The following HAT1 variants were observed in gnomAD, a reference collection of about 807,000 sequenced individuals.
HAT1 encodes the protein histone acetyltransferase type B catalytic subunit.
Under a neutral mutation model 56.6 loss-of-function variants are expected in HAT1, and 20 were observed. The ratio of observed to expected loss-of-function variants is 0.35; its 90% confidence interval spans 0.25 to 0.51. The LOEUF (loss-of-function observed/expected upper bound fraction) is 0.51. Among genes scored for constraint, HAT1 ranks in the 20% least tolerant of loss-of-function variants. The pLI is 0.95. For synonymous variants in HAT1, 146 were observed against 165.5 expected (o/e 0.88, Z 0.91); for missense variants, 408 against 504.3 (o/e 0.81, Z 1.83).
intron 8 of HAT1, among the ~76,000 whole-genome samples, chr2:171,972,771 T>C (rs1687852324): frequency 1.3e-5 from 2 of 152,240 alleles, no homozygotes; most frequent in African/African-American, 4.8e-5. Flanking sequence ...TGCATTCACT[T>C]TCCTGACAAA....
At chr2:171,977,557 A>ATATATATATAATTTT (rs1271452199) in intron 9 of HAT1, among the ~76,000 whole-genome samples, 2 of 16,356 alleles carry the variant, frequency 1.2e-4, no homozygotes, top group African/African-American at 4.3e-4. Flanking sequence ...ATATATATAT[A>ATATATATATAATTTT]TTTTTTTTTT....
chr2:171,959,874 C>T (rs745757988), intron 4 of HAT1, among the ~76,000 whole-genome samples: 18 of 152,130 alleles, frequency 1.2e-4, no homozygotes, highest in Non-Finnish European at 1.6e-4. Context: ...GAGGAACCAG[C>T]CATGTTATAA....
intron 4 of HAT1, 187 bp from the exon 5 acceptor site, chr2:171,965,151 T>C: frequency 1.8e-6 from 1 of 556,696 alleles, no homozygotes; most frequent in East Asian, 3.0e-5. Flanking sequence ...ATTATGCTCA[T>C]CTCAGTTTTG....
intron 8 of HAT1, among the ~76,000 whole-genome samples, chr2:171,967,301 TA>T (rs1687705800): frequency 6.6e-6 from 1 of 152,190 alleles, no homozygotes; most frequent in African/African-American, 2.4e-5. Context: ...AATTTACATG[TA>T]GGGGCAGAAT....
chr2:171,953,206 C>T (rs937325291), intron 4 of HAT1, among the ~76,000 whole-genome samples: 4 of 151,674 alleles, frequency 2.6e-5, no homozygotes, highest in Admixed American at 6.6e-5. Context: ...ATTAGTGGGG[C>T]GTGGTGGCAT....
Position 171,968,587 on chromosome 2 carries a change from A to G in HAT1, c.823+1638A>G, listed in dbSNP as rs558920854. On this transcript the variant is annotated intron_variant, in intron 8 of 10. Coordinates refer to ENST00000264108, the MANE Select transcript of HAT1 (RefSeq NM_003642.4). Reference sequence around the variant, plus strand: ...CATTGGTGTTATTCATTAGAAACTGAAGTCTCTAAAAAGAAAAGACTAAAC... The same window carrying G: ...CATTGGTGTTATTCATTAGAAACTGGAGTCTCTAAAAAGAAAAGACTAAAC... 3.4e-4 allele frequency among the ~76,000 whole-genome samples: 52 copies of G among 152,296 alleles called. No individual in the cohort carries two copies. The South Asian group carries it at 6.8e-3, about 20-fold the overall frequency.
chr2:171,961,541 A>G (rs1312219451), intron 4 of HAT1, among the ~76,000 whole-genome samples: 3 of 151,644 alleles, frequency 2.0e-5, no homozygotes, highest in African/African-American at 7.3e-5. Context: ...TAAAAATTTT[A>G]TGGAGTGTTT....
intron 4 of HAT1, among the ~76,000 whole-genome samples, chr2:171,957,707 G>A (rs554796371): frequency 1.8e-4 from 28 of 152,228 alleles, no homozygotes; most frequent in African/African-American, 6.5e-4. Context: ...TTCTGTTTCC[G>A]AGCATTCCTC....
chr2:171,945,498 A>AT (rs71013093), intron 2 of HAT1, among the ~76,000 whole-genome samples: 22,768 of 122,570 alleles, frequency 0.19, 3,107 homozygotes, highest in African/African-American at 0.37. Flanking sequence ...GCTATCTATA[A>AT]TTTTTTTTTT....
intron 8 of HAT1, among the ~76,000 whole-genome samples, chr2:171,973,947 C>T (rs1315718577): frequency 6.6e-6 from 1 of 151,962 alleles, no homozygotes; most frequent in Non-Finnish European, 1.5e-5. Context: ...TGGGAGGCCA[C>T]AGCAGGTGGA....
intron 10 of HAT1, among the ~76,000 whole-genome samples, chr2:171,982,590 G>A (rs533311955): frequency 3.3e-5 from 5 of 152,216 alleles, no homozygotes; most frequent in African/African-American, 4.8e-5. Flanking sequence ...TTAGCATAGC[G>A]GTATCCTAAG....
At chr2:171,932,523 A>T (rs1003825572) in intron 2 of HAT1, among the ~76,000 whole-genome samples, 1 of 152,132 alleles carries the variant, frequency 6.6e-6, no homozygotes, top group African/African-American at 2.4e-5. Flanking sequence ...TCTCTATTTT[A>T]TCTAACTTTC....
At chr2:171,959,983 T>C (rs1213757731) in intron 4 of HAT1, among the ~76,000 whole-genome samples, 1 of 152,044 alleles carries the variant, frequency 6.6e-6, no homozygotes, top group African/African-American at 2.4e-5. Flanking sequence ...ATCATTGTGG[T>C]GATGGAGAGA....
At chr2:171,960,313 C>T (rs190128403) in intron 4 of HAT1, among the ~76,000 whole-genome samples, 20 of 152,068 alleles carry the variant, frequency 1.3e-4, no homozygotes, top group South Asian at 1.0e-3. Context: ...AGAAAAAAAA[C>T]GAGAACCCCA....
At chr2:171,960,711 G>T (rs77657645) in intron 4 of HAT1, among the ~76,000 whole-genome samples, 2,855 of 152,108 alleles carry the variant, frequency 0.019, 59 homozygotes, top group Admixed American at 0.068. Flanking sequence ...TCATCTGGTT[G>T]TCCTTGACCT....
At chr2:171,961,422 C>T (rs141813186) in intron 4 of HAT1, among the ~76,000 whole-genome samples, 137 of 152,168 alleles carry the variant, frequency 9.0e-4, no homozygotes, top group Middle Eastern at 3.4e-3. Flanking sequence ...AAGTTTGGTA[C>T]AGGAAGTTGA....
chr2:171,924,235 T>A (rs188516828), intron 1 of HAT1: 2,093 of 151,236 alleles, frequency 0.014, 24 homozygotes, highest in Middle Eastern at 0.072. Context: ...GGAGACTGAG[T>A]CTCGCTCTGT....
intron 10 of HAT1, 121 bp from the exon 11 acceptor site, chr2:171,983,064 G>T: frequency 3.7e-6 from 2 of 539,530 alleles, no homozygotes; most frequent in East Asian, 6.2e-5. Context: ...AAAAAACATT[G>T]TGGGACAAGT....
chr2:171,968,639 A>G (rs984358959), intron 8 of HAT1, among the ~76,000 whole-genome samples: 2 of 152,174 alleles, frequency 1.3e-5, no homozygotes, highest in African/African-American at 2.4e-5. Context: ...GAATTTGACA[A>G]CTGGGTATTG....
Sources: gnomAD v4.1 joint callset for allele counts (sites outside exome capture counted in the v4.1 genomes callset) on GRCh38, gnomAD v4.1.1 for gene constraint, MANE v1.5 for transcripts, NCBI Gene and HGNC (gene_info 2026-07-23, HGNC 2026-07-21) for gene names.